NKD2: variants seen among roughly 807,000 people sequenced by gnomAD.
NKD2 encodes protein naked cuticle homolog 2.
Under a neutral mutation model 34.8 loss-of-function variants are expected in NKD2, and 43 were observed. The ratio of observed to expected loss-of-function variants is 1.24; its 90% CI spans 0.97 to 1.60. The LOEUF is 1.60. Among genes scored for constraint, NKD2 ranks in the 40% most tolerant of loss-of-function variants. NKD2 has a pLI of 0.00. For missense variants in NKD2, 675 were observed against 627.1 expected, an observed-to-expected ratio of 1.08 and a Z score of -0.82; for synonymous variants, 278 against 265.1, an observed-to-expected ratio of 1.05 and a Z score of -0.47.
In NKD2 at chr5:1,036,265, G is replaced by A. The variant is rs930831332; in HGVS notation, c.668G>A (p.Ser223Asn). Residue 223 changes from serine (S) to asparagine (N), a missense_variant, in exon 9 of 10, where the codon AGT becomes AAT. Physicochemically the swap from Ser to Asn is conservative, Grantham distance 46. Transcript: ENST00000296849. ...RRLSAHVRRP[S>N]TDPQPCSERG... is the part of the protein sequence containing the mutation. ...CTCTGTGCTCCAAGCAGGAGGCCCA[G>A]TACTGACCCCCAGCCCTGCTCGGAG... 2 of 1,605,860 alleles carry A rather than the reference G, an allele frequency of 1.2e-6. No homozygotes were observed. Among genetic ancestry groups the A allele is most frequent in the Non-Finnish European group, 1.7e-6 (2 of 1,176,082 alleles).
At chr5:1,017,223 C>T (rs1755995395) in intron 3 of NKD2, among the ~76,000 whole-genome samples, 1 of 152,186 alleles carries the variant, frequency 6.6e-6, no homozygotes, top group South Asian at 2.1e-4. Context: ...GCGTCTGGGC[C>T]TCAGCGTCCT....
chr5:1,034,996 A>T (rs977735032), intron 7 of NKD2, 93 bp downstream of exon 7: 37 of 1,225,268 alleles, frequency 3.0e-5, no homozygotes, highest in Non-Finnish European at 4.2e-5. Context: ...AAGTGAGTGG[A>T]TGGAGGAGTG....
intron 3 of NKD2, among the ~76,000 whole-genome samples, chr5:1,030,479 G>A (rs1419278335): frequency 2.0e-5 from 3 of 152,220 alleles, no homozygotes; most frequent in Non-Finnish European, 4.4e-5. Context: ...CAACTCTGGG[G>A]CTCTGGGCAC....
At chr5:1,028,922 C>A (rs1756531321) in intron 3 of NKD2, among the ~76,000 whole-genome samples, 1 of 152,172 alleles carries the variant, frequency 6.6e-6, no homozygotes, top group South Asian at 2.1e-4. Context: ...GCACATTGGG[C>A]CAGGCCTGCT....
Position 1,009,418 on chromosome 5 carries a change from C to T in NKD2, c.62-63C>T. The T allele has an allele frequency of 2.2e-6, 3 of 1,376,910 alleles. No homozygotes were observed. The highest frequency in any genetic ancestry group is 2.9e-6 in the Non-Finnish European group (3 of 1,027,664). 85.3% of individuals were successfully genotyped at this position (1,376,910 alleles called of 1,614,324 possible). A position where few individuals can be genotyped will look rare whatever the true frequency, so the allele number is the denominator to read the frequency against. On this transcript the variant is annotated intron_variant, in intron 2 of 9. Transcript: ENST00000296849. This position sits in a 1 kb window ranked among gnomAD's most constrained non-coding sequence, Gnocchi z 6.9. ...CAGCGAAGGCGCAGCGCCCGCGGGG[C>T]TCACGGCGCGTCTCTTTCCCTCCTC...
chr5:1,037,616 C>T (rs777200408), intron 9 of NKD2, 189 bp from the exon 10 acceptor site: 6 of 1,535,768 alleles, frequency 3.9e-6, no homozygotes, highest in East Asian at 4.9e-5. Flanking sequence ...TGGAGCCAGG[C>T]AGGTCACCCA....
chr5:1,023,054 A>T (rs370260823), intron 3 of NKD2, among the ~76,000 whole-genome samples: 2 of 3,596 alleles, frequency 5.6e-4, no homozygotes, highest in East Asian at 0.071. Context: ...GTCCCAGCCC[A>T]TTGTCCCTGC....
At chr5:1,028,878 G>A (rs1255159697) in intron 3 of NKD2, among the ~76,000 whole-genome samples, 3 of 152,164 alleles carry the variant, frequency 2.0e-5, no homozygotes, top group Non-Finnish European at 2.9e-5. Context: ...AGGGGCGCCC[G>A]CCCTGGGAAG....
chr5:1,014,407 C>T (rs1257157730), intron 3 of NKD2, among the ~76,000 whole-genome samples: 2 of 152,212 alleles, frequency 1.3e-5, no homozygotes, highest in African/African-American at 2.4e-5. Context: ...TGGCTGGTGC[C>T]GGCCAAGGCA....
At chr5:1,018,078 C>A in intron 3 of NKD2, among the ~76,000 whole-genome samples, 1 of 152,094 alleles carries the variant, frequency 6.6e-6, no homozygotes, top group East Asian at 1.9e-4. Context: ...AGGAGTAGGC[C>A]TGGAGGACGG....
intron 3 of NKD2, among the ~76,000 whole-genome samples, chr5:1,024,612 A>G (rs368720599): frequency 1.8e-4 from 10 of 56,028 alleles, no homozygotes; most frequent in African/African-American, 3.5e-4. Flanking sequence ...ATCCCAGCCC[A>G]TTGTCCCTGC....
intron 3 of NKD2, among the ~76,000 whole-genome samples, chr5:1,019,941 C>T (rs1756109034): frequency 6.6e-6 from 1 of 152,136 alleles, no homozygotes; most frequent in Non-Finnish European, 1.5e-5. Context: ...AATTCAGCCT[C>T]CTCTGAGTGG....
chr5:1,019,054 C>A (rs1334758031), intron 3 of NKD2, among the ~76,000 whole-genome samples: 1 of 152,200 alleles, frequency 6.6e-6, no homozygotes. Context: ...CAGGCCAGAG[C>A]GTCACCTTCC....
At chr5:1,032,301 C>A in intron 4 of NKD2, 89 bp downstream of exon 4, 3 of 1,028,318 alleles carry the variant, frequency 2.9e-6, no homozygotes, top group East Asian at 2.5e-5. Flanking sequence ...TTAAAACAAC[C>A]CCGTGTGCGG....
At chr5:1,015,273 C>T (rs533711229) in intron 3 of NKD2, among the ~76,000 whole-genome samples, 1 of 152,320 alleles carries the variant, frequency 6.6e-6, no homozygotes, top group African/African-American at 2.4e-5. Flanking sequence ...GCCTCCCTGG[C>T]GTGGCCAGGT....
At chr5:1,036,568 G>A (rs1347665681) in intron 9 of NKD2, among the ~76,000 whole-genome samples, 184 bp downstream of exon 9, 2 of 149,794 alleles carry the variant, frequency 1.3e-5, no homozygotes, top group Non-Finnish European at 3.0e-5. Flanking sequence ...GTTGGTCATG[G>A]CTGCCTCCTG....
chr5:1,033,469 AGGACCGGGC>A lies in NKD2; in HGVS notation c.303_311del (p.Pro102_Gly104del). On this transcript the variant is annotated inframe_deletion, in exon 5 of 10. Coordinates refer to ENST00000296849, the MANE Select transcript of NKD2 (RefSeq NM_033120.4). The stretch of plus-strand genomic sequence containing the variant: ...GGGCAGCAAACCGCGAGGGCCCGCG[AGGACCGGGC>A]GGGCAGCGCCTCAACATTGACGTGG... 1 of 1,554,792 alleles carries A rather than the reference AGGACCGGGC, an allele frequency of 6.4e-7. No homozygotes were observed. The highest frequency in any genetic ancestry group is 8.7e-7 in the Non-Finnish European group (1 of 1,149,566).
chr5:1,018,435 G>C (rs1477469659), intron 3 of NKD2, among the ~76,000 whole-genome samples: 1 of 152,238 alleles, frequency 6.6e-6, no homozygotes, highest in African/African-American at 2.4e-5. Context: ...TAGGTTTTCT[G>C]TAAAACAAAG....
intron 3 of NKD2, among the ~76,000 whole-genome samples, chr5:1,020,269 C>T (rs192116210): frequency 1.1e-3 from 170 of 152,176 alleles, no homozygotes; most frequent in South Asian, 4.4e-3. Context: ...TGGGCAGGGG[C>T]GCACACACGT....
Sources: allele counts gnomAD v4.1 joint callset (sites outside exome capture counted in the v4.1 genomes callset), GRCh38; gene constraint gnomAD v4.1.1; non-coding constraint Gnocchi (gnomAD v3.1); transcripts MANE v1.5; gene names NCBI Gene and HGNC (gene_info 2026-07-23, HGNC 2026-07-21).